Variants in MCTP1 observed in about 807,000 individuals in gnomAD.
MCTP1 encodes the protein multiple C2 and transmembrane domain-containing protein 1.
A neutral mutation model predicts 120.6 loss-of-function variants in MCTP1; 69 were observed. The ratio of observed to expected loss-of-function variants is 0.57; its 90% confidence interval spans 0.47 to 0.70. MCTP1 has a LOEUF of 0.70. MCTP1 is among the 30% of genes least tolerant of loss of function. The pLI, the probability that MCTP1 is intolerant of heterozygous loss-of-function variation, is 0.00. For synonymous variants in MCTP1, 529 were observed against 493.1 expected, an observed-to-expected ratio of 1.07 and a Z score of -0.96; for missense variants, 1,203 against 1,248.8, an observed-to-expected ratio of 0.96 and a Z score of 0.55.
At chr5:95,195,747 T>C (rs988339436) in intron 1 of MCTP1, among the ~76,000 whole-genome samples, 3 of 151,686 alleles carry the variant, frequency 2.0e-5, no homozygotes, top group Non-Finnish European at 4.4e-5. Flanking sequence ...CAATAATTCC[T>C]AGACCCAGAT....
At chr5:94,775,602 T>C (rs187134433) in intron 19 of MCTP1, among the ~76,000 whole-genome samples, 1 of 152,272 alleles carries the variant, frequency 6.6e-6, no homozygotes, top group Non-Finnish European at 1.5e-5. Context: ...ACAAAGGGAA[T>C]TGAGAACTCA....
At chr5:94,769,554 T>G (rs1225713923) in intron 19 of MCTP1, among the ~76,000 whole-genome samples, 1 of 152,188 alleles carries the variant, frequency 6.6e-6, no homozygotes, top group Non-Finnish European at 1.5e-5. Flanking sequence ...TTTATATTAA[T>G]TGTGGAGTAT....
chr5:94,850,314 G>A (rs917810501), intron 17 of MCTP1, among the ~76,000 whole-genome samples: 3 of 152,050 alleles, frequency 2.0e-5, no homozygotes, highest in Admixed American at 1.3e-4. Context: ...ATAAGTAATC[G>A]GTAGGCTACA....
chr5:95,024,712 A>C (rs934629323), intron 1 of MCTP1, among the ~76,000 whole-genome samples: 4 of 151,866 alleles, frequency 2.6e-5, no homozygotes, highest in African/African-American at 4.8e-5. Flanking sequence ...TAGAATTGAT[A>C]ATGGAATTCA....
chr5:95,278,922 A>C (rs1760084013), intron 1 of MCTP1, among the ~76,000 whole-genome samples: 1 of 151,424 alleles, frequency 6.6e-6, no homozygotes, highest in African/African-American at 2.4e-5. Flanking sequence ...AGATTGCACC[A>C]TTGCACTCCA....
At chr5:94,971,817 T>G (rs897766669) in intron 2 of MCTP1, among the ~76,000 whole-genome samples, 1 of 152,158 alleles carries the variant, frequency 6.6e-6, no homozygotes, top group Non-Finnish European at 1.5e-5. Context: ...TCTATTACAT[T>G]TGAGCCATTA....
intron 1 of MCTP1, among the ~76,000 whole-genome samples, chr5:95,152,216 G>T (rs1238495513): frequency 6.6e-6 from 1 of 152,162 alleles, no homozygotes; most frequent in East Asian, 1.9e-4. Context: ...GAGAGAAAAT[G>T]ATTTGGATTT....
chr5:95,022,246 C>A (rs1838336463), intron 1 of MCTP1, among the ~76,000 whole-genome samples: 2 of 152,196 alleles, frequency 1.3e-5, no homozygotes, highest in South Asian at 2.1e-4. Flanking sequence ...TACTTTTGCA[C>A]CAACCTAACT....
intron 17 of MCTP1, among the ~76,000 whole-genome samples, chr5:94,859,311 G>C (rs1795295831): frequency 6.6e-6 from 1 of 151,598 alleles, no homozygotes; most frequent in Non-Finnish European, 1.5e-5. Context: ...GGGCAGTGGG[G>C]GACAGGGTAG....
At chr5:94,874,292 T>C (rs1798351453) in intron 12 of MCTP1, among the ~76,000 whole-genome samples, 1 of 152,126 alleles carries the variant, frequency 6.6e-6, no homozygotes, top group Non-Finnish European at 1.5e-5. Context: ...AAAGCTTAAA[T>C]ATCATTGAAG....
intron 12 of MCTP1, among the ~76,000 whole-genome samples, chr5:94,876,339 G>T (rs1476713325): frequency 6.6e-6 from 1 of 151,968 alleles, no homozygotes; most frequent in East Asian, 1.9e-4. Context: ...TCTGCTTGCT[G>T]GGAGTACCTG....
At chr5:94,988,841 C>T (rs1337981807) in intron 2 of MCTP1, among the ~76,000 whole-genome samples, 1 of 152,050 alleles carries the variant, frequency 6.6e-6, no homozygotes, top group Non-Finnish European at 1.5e-5. Flanking sequence ...CAGAAGGCAC[C>T]TCTTCACAGG....
chr5:94,928,141 T>C (rs1397583526), intron 6 of MCTP1, among the ~76,000 whole-genome samples: 4 of 151,890 alleles, frequency 2.6e-5, no homozygotes, highest in Admixed American at 6.6e-5. Context: ...TGAAGTAATT[T>C]ATTGAAAGCA....
At chr5:94,889,470 A>G (rs1470987965) in intron 11 of MCTP1, among the ~76,000 whole-genome samples, 1 of 152,044 alleles carries the variant, frequency 6.6e-6, no homozygotes, top group East Asian at 1.9e-4. Context: ...GGCACCTGTA[A>G]TCCCAGCTAC....
chr5:94,744,178 A>G (rs1561560532), intron 19 of MCTP1, among the ~76,000 whole-genome samples: 1 of 152,094 alleles, frequency 6.6e-6, no homozygotes, highest in Non-Finnish European at 1.5e-5. Context: ...CATGTTGCCC[A>G]GGCTGGTCTC....
At chr5:95,027,194 C>T (rs538233858) in intron 1 of MCTP1, among the ~76,000 whole-genome samples, 33 of 152,294 alleles carry the variant, frequency 2.2e-4, no homozygotes, top group Non-Finnish European at 3.2e-4. Context: ...AAAATTATGG[C>T]AAATAATGGG....
At chr5:95,072,341 AAAC>A (rs1044265341) in intron 1 of MCTP1, among the ~76,000 whole-genome samples, 1 of 152,204 alleles carries the variant, frequency 6.6e-6, no homozygotes, top group Non-Finnish European at 1.5e-5. Context: ...GGGGGAATAT[AAAC>A]AAGAGCAAAC....
intron 17 of MCTP1, chr5:94,868,052 T>A (rs1465926923): frequency 4.3e-6 from 1 of 232,018 alleles, no homozygotes; most frequent in Non-Finnish European, 8.3e-6. Context: ...TTTGGAATTA[T>A]GCAATATGTA....
At chr5:94,815,797 G>A in intron 17 of MCTP1, among the ~76,000 whole-genome samples, 1 of 152,150 alleles carries the variant, frequency 6.6e-6, no homozygotes, top group East Asian at 1.9e-4. Flanking sequence ...ACTGGCTCAA[G>A]ACCGTCTGGG....
Sources: allele counts gnomAD v4.1 joint callset (sites outside exome capture counted in the v4.1 genomes callset), GRCh38; gene constraint gnomAD v4.1.1; transcripts MANE v1.5; gene names NCBI Gene and HGNC (gene_info 2026-07-23, HGNC 2026-07-21).